SRBD1: variants seen among roughly 807,000 people sequenced by gnomAD.
SRBD1 encodes the protein S1 RNA binding domain 1, also known as S1 RNA-binding domain-containing protein 1.
SRBD1 carries 88 observed loss-of-function variants against 115.3 expected under a neutral mutation model. The observed-to-expected ratio is 0.76, with a 90% CI of 0.64 to 0.91. The LOEUF is 0.91. Ranked by LOEUF, SRBD1 falls within the 40% of genes least tolerant of loss-of-function variation. The probability of loss-of-function intolerance (pLI) is 0.00; values close to 1 mark genes in which losing one functional copy is unlikely to be tolerated. For synonymous variants in SRBD1, 509 were observed against 407.7 expected, an observed-to-expected ratio of 1.25 and a Z score of -2.99; for missense variants, 1,385 against 1,177.4, an observed-to-expected ratio of 1.18 and a Z score of -2.58.
At chr2:45,402,634 T>C (rs1254865039) in intron 19 of SRBD1, among the ~76,000 whole-genome samples, 1 of 152,222 alleles carries the variant, frequency 6.6e-6, no homozygotes, top group East Asian at 1.9e-4. Flanking sequence ...TACTAGCTAA[T>C]GCTTTATCAA....
rs1447611806 is a variant in SRBD1 at position 45,488,343 on chromosome 2, G to A, written c.1875-12C>T. On this transcript the variant is annotated splice_polypyrimidine_tract_variant and intron_variant, in intron 14 of 20. Coordinates refer to ENST00000263736, the MANE Select transcript of SRBD1 (RefSeq NM_018079.5). ...CTTCACTGACGATACTGAGAAGACA[G>A]AAAAAGGGGAATATCACTTTCCTAA... 6.2e-7 allele frequency: 1 copy of A among 1,601,134 alleles called. No individual in the cohort carries two copies. Among genetic ancestry groups the A allele is most frequent in the Non-Finnish European group, 8.5e-7 (1 of 1,171,810 alleles).
At position 45,413,081 on chromosome 2, in the gene SRBD1, T is replaced by C. The variant is rs112796644; in HGVS notation, c.2513+33A>G. On this transcript the variant is annotated intron_variant, in intron 19 of 20. Coordinates refer to ENST00000263736, the MANE Select transcript of SRBD1 (RefSeq NM_018079.5). The stretch of plus-strand genomic sequence containing the variant: ...TTTGCTGTAAAGAACTCACTCTGCA[T>C]ATGGAGAATTCCCACATGGGCCTCA... The C allele has an allele frequency of 2.5e-4, 398 of 1,594,748 alleles. 3 individuals carry two copies. The African/African-American group carries it at 4.2e-3, about 17-fold the overall frequency.
chr2:45,544,333 G>A (rs1672040994), intron 14 of SRBD1, among the ~76,000 whole-genome samples: 1 of 151,990 alleles, frequency 6.6e-6, no homozygotes, highest in South Asian at 2.1e-4. Context: ...TTAAAAATAG[G>A]AGATACATAA....
At chr2:45,559,723 A>G (rs1672600279) in intron 10 of SRBD1, among the ~76,000 whole-genome samples, 1 of 152,190 alleles carries the variant, frequency 6.6e-6, no homozygotes, top group Non-Finnish European at 1.5e-5. Context: ...AGTTCTTTTG[A>G]GAATAATTTT....
intron 14 of SRBD1, among the ~76,000 whole-genome samples, chr2:45,503,093 A>T (rs1670686283): frequency 6.6e-6 from 1 of 152,220 alleles, no homozygotes; most frequent in Non-Finnish European, 1.5e-5. Flanking sequence ...GAACTATGTG[A>T]AAGCTTAAGA....
chr2:45,451,502 G>A (rs975278609), intron 16 of SRBD1, among the ~76,000 whole-genome samples: 3 of 151,964 alleles, frequency 2.0e-5, no homozygotes, highest in Non-Finnish European at 2.9e-5. Flanking sequence ...CAGAGATTTT[G>A]TGGAAGAGAG....
intron 16 of SRBD1, among the ~76,000 whole-genome samples, chr2:45,465,000 TACACACACACACACACACACACACAC>T (rs58288876): frequency 8.3e-6 from 1 of 120,218 alleles, no homozygotes. Flanking sequence ...GTTGAGATTG[TACACACACACACACACACACACACAC>T]ACACACACAC....
chr2:45,466,226 G>A (rs1288785073), intron 16 of SRBD1, among the ~76,000 whole-genome samples: 1 of 152,088 alleles, frequency 6.6e-6, no homozygotes, highest in African/African-American at 2.4e-5. Flanking sequence ...AGAAATGTAG[G>A]GGAACAACTC....
chr2:45,441,770 C>A lies in SRBD1; in HGVS notation c.2050-21876G>T, dbSNP rs1185852652. Among the ~76,000 whole-genome samples the A allele has an allele frequency of 2.0e-5, 3 of 152,170 alleles. No individual in the cohort carries two copies. The East Asian group carries it at 5.8e-4, about 29-fold the overall frequency. ...ATTGCTTGAGGGCATTACAGCAGCA[C>A]AATCTCAATTCCTATTATAGAAACG... On this transcript the variant is annotated intron_variant, in intron 16 of 20. Coordinates refer to ENST00000263736, the MANE Select transcript of SRBD1 (RefSeq NM_018079.5).
chr2:45,590,535 T>C (rs1673687959), intron 4 of SRBD1, among the ~76,000 whole-genome samples: 3 of 152,168 alleles, frequency 2.0e-5, no homozygotes, highest in Admixed American at 2.0e-4. Context: ...AAGGGGTGGT[T>C]TTCCCCATGC....
chr2:45,439,138 C>A (rs1668585738), intron 16 of SRBD1, among the ~76,000 whole-genome samples: 1 of 151,872 alleles, frequency 6.6e-6, no homozygotes, highest in Non-Finnish European at 1.5e-5. Context: ...ACCTCAAATT[C>A]TATATCTTTA....
chr2:45,541,330 A>C (rs1671928844), intron 14 of SRBD1, among the ~76,000 whole-genome samples: 1 of 152,198 alleles, frequency 6.6e-6, no homozygotes, highest in Non-Finnish European at 1.5e-5. Context: ...CTTAGGGAGC[A>C]CCTAGGTCTG....
chr2:45,406,105 C>T (rs1031198280), intron 19 of SRBD1, among the ~76,000 whole-genome samples: 26 of 152,048 alleles, frequency 1.7e-4, no homozygotes, highest in African/African-American at 5.8e-4. Context: ...GGCTGCCACT[C>T]CCCCACCCCT....
intron 14 of SRBD1, among the ~76,000 whole-genome samples, chr2:45,495,339 A>C (rs538976291): frequency 6.6e-6 from 1 of 152,334 alleles, no homozygotes; most frequent in Admixed American, 6.5e-5. Flanking sequence ...CAAATCAACA[A>C]ACTGAAGGAC....
rs375569655 is a variant in SRBD1, at chr2:45,564,681, CA to C, written c.1306-1926del. On this transcript the variant is annotated intron_variant, in intron 9 of 20. Coordinates refer to ENST00000263736, the MANE Select transcript of SRBD1 (RefSeq NM_018079.5). Reference sequence around the variant, plus strand: ...ATAAAATACTTAGGAATAAATTTAACAAAAAAAGTTCACAACTTACACGGTT... The same window carrying C: ...ATAAAATACTTAGGAATAAATTTAACAAAAAAGTTCACAACTTACACGGTT... 2.8e-3 allele frequency among the ~76,000 whole-genome samples: 429 copies of C among 152,048 alleles called. 1 individual carries two copies. Among genetic ancestry groups the C allele is most frequent in the African/African-American group, 9.7e-3 (403 of 41,492 alleles).
At chr2:45,458,114 G>C (rs1005055611) in intron 16 of SRBD1, among the ~76,000 whole-genome samples, 1 of 151,792 alleles carries the variant, frequency 6.6e-6, no homozygotes, top group Non-Finnish European at 1.5e-5. Context: ...ATCAAACCAA[G>C]GAGAACTTGT....
intron 16 of SRBD1, among the ~76,000 whole-genome samples, chr2:45,472,280 G>A (rs768147805): frequency 1.3e-5 from 2 of 152,136 alleles, no homozygotes; most frequent in Admixed American, 6.6e-5. Context: ...AGTATCTAGA[G>A]GAAAATAGAT....
intron 6 of SRBD1, 130 bp from the exon 7 acceptor site, chr2:45,580,143 G>C (rs1673304799): frequency 2.7e-6 from 2 of 732,142 alleles, no homozygotes; most frequent in Non-Finnish European, 4.0e-6. Context: ...TCTTCCTTCA[G>C]AGATGAATTA....
intron 10 of SRBD1, among the ~76,000 whole-genome samples, chr2:45,559,987 G>A (rs2077376547): frequency 6.6e-6 from 1 of 152,010 alleles, no homozygotes; most frequent in African/African-American, 2.4e-5. Flanking sequence ...AGGCTCAGGT[G>A]AGAGGACAGC....
Sources: gnomAD v4.1 joint callset for allele counts (sites outside exome capture counted in the v4.1 genomes callset) on GRCh38, gnomAD v4.1.1 for gene constraint, MANE v1.5 for transcripts, NCBI Gene and HGNC (gene_info 2026-07-23, HGNC 2026-07-21) for gene names.